The following SLC5A10 variants were observed in gnomAD, a reference collection of about 807,000 sequenced individuals.
SLC5A10 encodes solute carrier family 5 member 10, also known as sodium/mannose cotransporter SLC5A10.
A neutral mutation model predicts 68.9 loss-of-function variants in SLC5A10; 55 were observed. The ratio of observed to expected loss-of-function variants is 0.80; its 90% CI spans 0.64 to 1.00. The LOEUF (loss-of-function observed/expected upper bound fraction) is 1.00, where lower values mean the gene tolerates loss of function less well. Ranked by LOEUF, SLC5A10 falls within the 50% of genes least tolerant of loss-of-function variation. SLC5A10 has a pLI of 0.00. For missense variants in SLC5A10, 732 were observed against 819.3 expected, an observed-to-expected ratio of 0.89 and a Z score of 1.30; for synonymous variants, 344 against 344.8, an observed-to-expected ratio of 1.00 and a Z score of 0.02.
At chr17:18,987,130 C>G (rs554009280) in intron 9 of SLC5A10, among the ~76,000 whole-genome samples, 1 of 152,312 alleles carries the variant, frequency 6.6e-6, no homozygotes, top group Admixed American at 6.5e-5. Flanking sequence ...GAGCCCGGCC[C>G]CTTGTTAACC....
chr17:19,012,079 G>A (rs948574606), intron 9 of SLC5A10, among the ~76,000 whole-genome samples: 25 of 152,138 alleles, frequency 1.6e-4, no homozygotes, highest in African/African-American at 5.6e-4. Context: ...ATCATCTTCT[G>A]GTTAGCTCTG....
In SLC5A10 at chr17:19,021,904, TC is replaced by T. The variant is rs762967703; in HGVS notation, c.*1474del. 1 of 1,437,736 alleles carries T rather than the reference TC, an allele frequency of 7.0e-7. No homozygotes were observed. Among genetic ancestry groups the T allele is most frequent in the Non-Finnish European group, 9.1e-7 (1 of 1,094,374 alleles). The allele number at this position is 1,437,736 out of a possible 1,614,324, so 89.1% of individuals were successfully genotyped here. ...CAGAGCTGGGGGTGTCCATGTCCTC[TC>T]TGGACCTCAGTTCCTGTAAAAAGGC... On this transcript the variant is annotated 3_prime_UTR_variant, in exon 15 of 15. Coordinates refer to ENST00000395645, the MANE Select transcript of SLC5A10 (RefSeq NM_001042450.4). This position sits in a 1 kb window ranked among gnomAD's most constrained non-coding sequence, Gnocchi z 4.1.
At chr17:18,977,884 G>C (rs1004418613) in intron 9 of SLC5A10, 1 of 1,610,926 alleles carries the variant, frequency 6.2e-7, no homozygotes, top group Non-Finnish European at 8.5e-7. Flanking sequence ...CTGAGTGGCT[G>C]TCCTGGTCAC....
intron 9 of SLC5A10, among the ~76,000 whole-genome samples, chr17:18,985,424 C>T (rs866972713): frequency 6.6e-6 from 1 of 152,216 alleles, no homozygotes; most frequent in African/African-American, 2.4e-5. Flanking sequence ...ATGACCCTAC[C>T]AGAAAACCTG....
At chr17:18,977,437 C>A in intron 9 of SLC5A10, 1 of 812,008 alleles carries the variant, frequency 1.2e-6, no homozygotes, top group Non-Finnish European at 1.9e-6. Context: ...CCCACCCCTG[C>A]CTGTTCATCA....
chr17:19,006,157 A>C (rs2043884285), intron 9 of SLC5A10, among the ~76,000 whole-genome samples: 1 of 152,222 alleles, frequency 6.6e-6, no homozygotes, highest in African/African-American at 2.4e-5. Flanking sequence ...GTTTTGCATA[A>C]CTATAATACA....
chr17:19,016,757 C>G (rs1179213880), intron 11 of SLC5A10, among the ~76,000 whole-genome samples: 1 of 152,214 alleles, frequency 6.6e-6, no homozygotes, highest in African/African-American at 2.4e-5. Context: ...CACTTCTCCC[C>G]CTCTGGCTCC....
rs556636864 is a variant in SLC5A10 at position 18,996,047 on chromosome 17, C to G, written c.983-17363C>G. 1.3e-5 allele frequency among the ~76,000 whole-genome samples: 2 copies of G among 151,646 alleles called. No individual in the cohort carries two copies. Among genetic ancestry groups the G allele is most frequent in the East Asian group, 3.9e-4 (2 of 5,162 alleles). On this transcript the variant is annotated intron_variant, in intron 9 of 14. Coordinates refer to ENST00000395645, the MANE Select transcript of SLC5A10 (RefSeq NM_001042450.4). The surrounding 1 kb of genome is among the most constrained non-coding windows in gnomAD (Gnocchi z 4.4). Reference sequence around the variant, plus strand: ...AAAACAACCAGAAGAGAAAAGACAACTGCATGTCAAGGAACAAAGTAAGTG... The same window carrying G: ...AAAACAACCAGAAGAGAAAAGACAAGTGCATGTCAAGGAACAAAGTAAGTG...
chr17:19,010,479 T>C (rs1365347659), intron 9 of SLC5A10, among the ~76,000 whole-genome samples: 1 of 152,132 alleles, frequency 6.6e-6, no homozygotes, highest in Non-Finnish European at 1.5e-5. Flanking sequence ...TCTGGAGTCC[T>C]GGGGGACTGT....
intron 9 of SLC5A10, among the ~76,000 whole-genome samples, chr17:19,009,473 G>A (rs933898072): frequency 1.3e-5 from 2 of 151,960 alleles, no homozygotes; most frequent in East Asian, 1.9e-4. Flanking sequence ...CTCCTGCCTC[G>A]GCCTCCCAAA....
intron 9 of SLC5A10, chr17:18,988,343 CTT>C: frequency 6.2e-7 from 1 of 1,614,246 alleles, no homozygotes. Context: ...CCACTTTCCT[CTT>C]GAAGCCGGCG....
chr17:18,973,328 G>C (rs1214940949), intron 8 of SLC5A10, among the ~76,000 whole-genome samples: 2 of 152,240 alleles, frequency 1.3e-5, no homozygotes, highest in Non-Finnish European at 2.9e-5. Flanking sequence ...GGTTGGGCAG[G>C]CCCCACTGCA....
Position 18,971,794 on chromosome 17 carries a change from C to A in SLC5A10, c.846+576C>A. 6.6e-7 allele frequency: 1 copy of A among 1,521,618 alleles called. No individual in the cohort carries two copies. Among genetic ancestry groups the A allele is most frequent in the Non-Finnish European group, 8.8e-7 (1 of 1,135,392 alleles). The allele number at this position is 1,521,618 out of a possible 1,614,324, so 94.3% of individuals were successfully genotyped here. A position where few individuals can be genotyped will look rare whatever the true frequency, so the allele number is the denominator to read the frequency against. On this transcript the variant is annotated intron_variant, in intron 8 of 14. Transcript: ENST00000395645. The surrounding 1 kb of genome is among the most constrained non-coding windows in gnomAD (Gnocchi z 5.5). ...AGTGAGGCTGAGCAAGAAGGGCCAA[C>A]CCCGCCCCAGCACAGGACCCTGCTC...
At position 19,004,351 on chromosome 17, in the gene SLC5A10, T is replaced by C; in HGVS notation, c.983-9059T>C. The C allele has an allele frequency of 6.7e-6, 2 of 297,148 alleles. No homozygotes were observed. The highest frequency in any genetic ancestry group is 1.3e-5 in the Non-Finnish European group (2 of 159,318). The allele number at this position is 297,148 out of a possible 1,614,324, so 18.4% of individuals were successfully genotyped here. On this transcript the variant is annotated intron_variant, in intron 9 of 14. Transcript: ENST00000395645. This position sits in a 1 kb window ranked among gnomAD's most constrained non-coding sequence, Gnocchi z 5.4. ...AGAAAGTAAGGGATCGGAACAGCGG[T>C]GAGGGAGCGGTGGGCCACGTCCCAG...
chr17:18,977,128 C>T (rs2043000733), intron 9 of SLC5A10, 139 bp downstream of exon 9: 2 of 1,174,828 alleles, frequency 1.7e-6, no homozygotes, highest in Non-Finnish European at 2.4e-6. Flanking sequence ...GAGAGTGGTC[C>T]TCAGGGCCAC....
chr17:18,996,297 G>A lies in SLC5A10; in HGVS notation c.983-17113G>A, dbSNP rs8070612. On this transcript the variant is annotated intron_variant, in intron 9 of 14. Coordinates refer to ENST00000395645, the MANE Select transcript of SLC5A10 (RefSeq NM_001042450.4). The surrounding 1 kb of genome is among the most constrained non-coding windows in gnomAD (Gnocchi z 4.4). ...CTGCAACCCCCTCCTCCAGCAGCAC[G>A]GTTGGGACAGACGTGGCTGCAGCAC... 0.058 allele frequency among the ~76,000 whole-genome samples: 8,881 copies of A among 152,188 alleles called. 874 individuals are homozygous for A. Among genetic ancestry groups the A allele is most frequent in the African/African-American group, 0.2 (8,399 of 41,486 alleles).
At position 19,019,697 on chromosome 17, in the gene SLC5A10, CCTCCCTCCT is replaced by C; in HGVS notation, c.1411-14_1411-6del. Reference sequence around the variant, plus strand: ...TCCTCCCGTAGCCCCACATGCCCTGCCTCCCTCCTCCCCAGGGGGCCTTCTGGGGCCTGA... The same window carrying C: ...TCCTCCCGTAGCCCCACATGCCCTGCCCCCAGGGGGCCTTCTGGGGCCTGA... On this transcript the variant is annotated splice_region_variant and splice_polypyrimidine_tract_variant and intron_variant, in intron 12 of 14. Coordinates refer to ENST00000395645, the MANE Select transcript of SLC5A10 (RefSeq NM_001042450.4). 1 of 1,606,226 alleles carries C rather than the reference CCTCCCTCCT, an allele frequency of 6.2e-7. No homozygotes were observed. Among genetic ancestry groups the C allele is most frequent in the Non-Finnish European group, 8.5e-7 (1 of 1,178,590 alleles).
At position 19,003,604 on chromosome 17, in the gene SLC5A10, C is replaced by G; in HGVS notation, c.983-9806C>G. The G allele has an allele frequency of 2.5e-6, 4 of 1,611,242 alleles. No homozygotes were observed. Among genetic ancestry groups the G allele is most frequent in the Non-Finnish European group, 2.5e-6 (3 of 1,178,906 alleles). On this transcript the variant is annotated intron_variant, in intron 9 of 14. Transcript: ENST00000395645. This position sits in a 1 kb window ranked among gnomAD's most constrained non-coding sequence, Gnocchi z 4.5. Reference sequence around the variant, plus strand: ...TGGGGGGCTGCATGTAGACGCTAGCCCGGGTCACGCCGCGGTAGGCGATGG... The same window carrying G: ...TGGGGGGCTGCATGTAGACGCTAGCGCGGGTCACGCCGCGGTAGGCGATGG...
chr17:19,009,384 G>A (rs143669183), intron 9 of SLC5A10, among the ~76,000 whole-genome samples: 2 of 151,842 alleles, frequency 1.3e-5, no homozygotes, highest in African/African-American at 2.4e-5. Context: ...ACATGCTTTC[G>A]CCAGGCTTTG....
Sources: allele counts gnomAD v4.1 joint callset (sites outside exome capture counted in the v4.1 genomes callset), GRCh38; gene constraint gnomAD v4.1.1; non-coding constraint Gnocchi (gnomAD v3.1); transcripts MANE v1.5; gene names NCBI Gene and HGNC (gene_info 2026-07-23, HGNC 2026-07-21).